PARD3B: variants seen among roughly 807,000 people sequenced by gnomAD.
The protein encoded by PARD3B is par-3 family cell polarity regulator beta.
A neutral mutation model predicts 130.2 loss-of-function variants in PARD3B; 103 were observed. That is an observed-to-expected ratio of 0.79 (90% CI 0.67 to 0.93). The LOEUF (loss-of-function observed/expected upper bound fraction) is 0.93, where lower values mean the gene tolerates loss of function less well. Among genes scored for constraint, PARD3B ranks in the 40% least tolerant of loss-of-function variants. PARD3B has a pLI of 0.00. For missense variants in PARD3B, 1,609 were observed against 1,499.2 expected, an observed-to-expected ratio of 1.07 and a Z score of -1.21; for synonymous variants, 583 against 553.2, an observed-to-expected ratio of 1.05 and a Z score of -0.76.
At chr2:205,124,279 T>C in intron 8 of PARD3B, 48 bp from the exon 9 acceptor site, 1 of 1,391,258 alleles carries the variant, frequency 7.2e-7, no homozygotes, top group Non-Finnish European at 9.6e-7. Flanking sequence ...GAATATAATA[T>C]TACTCATGCT....
intron 1 of PARD3B, among the ~76,000 whole-genome samples, chr2:204,676,244 G>C (rs1043452224): frequency 6.6e-6 from 1 of 151,612 alleles, no homozygotes; most frequent in South Asian, 2.1e-4. Context: ...CCTACCAAGA[G>C]TATTTCTTTT....
chr2:205,380,896 A>ATATATAATATATAAAGAATATAT (rs2045372894), intron 18 of PARD3B, among the ~76,000 whole-genome samples: 9 of 14,040 alleles, frequency 6.4e-4, no homozygotes, highest in African/African-American at 1.1e-3. Flanking sequence ...TATATAAAGA[A>ATATATAATATATAAAGAATATAT]TATATATAAT....
intron 4 of PARD3B, among the ~76,000 whole-genome samples, chr2:205,095,369 T>A (rs1347755208): frequency 6.6e-6 from 1 of 152,134 alleles, no homozygotes; most frequent in African/African-American, 2.4e-5. Flanking sequence ...AAATGTGTTA[T>A]TTGAATATGA....
intron 1 of PARD3B, among the ~76,000 whole-genome samples, chr2:204,626,183 G>A (rs2034481050): frequency 6.6e-6 from 1 of 152,070 alleles, no homozygotes; most frequent in Non-Finnish European, 1.5e-5. Flanking sequence ...ACATGTCTGG[G>A]TGGCAGATTT....
rs565310416 is a variant in PARD3B at position 204,909,584 on chromosome 2, A to G, written c.223-55568A>G. Reference sequence around the variant, plus strand: ...CCTACTTCTTAGCTCTGTGAACCTAAAAGTGTTCTACTTGTCTTGAATTTG... The same window carrying G: ...CCTACTTCTTAGCTCTGTGAACCTAGAAGTGTTCTACTTGTCTTGAATTTG... On this transcript the variant is annotated intron_variant, in intron 2 of 22. Coordinates refer to ENST00000406610, the MANE Select transcript of PARD3B (RefSeq NM_001302769.2). Among the ~76,000 whole-genome samples, 26 of 152,282 alleles carry G rather than the reference A, an allele frequency of 1.7e-4. No homozygotes were observed. The South Asian group carries it at 4.1e-3, about 24-fold the overall frequency.
intron 2 of PARD3B, among the ~76,000 whole-genome samples, chr2:204,852,806 G>T (rs1050595150): frequency 6.6e-6 from 1 of 152,116 alleles, no homozygotes; most frequent in African/African-American, 2.4e-5. Flanking sequence ...ATTTAATTGA[G>T]ATGGAATAGG....
At chr2:205,539,418 G>A (rs1559194104) in intron 21 of PARD3B, among the ~76,000 whole-genome samples, 1 of 152,166 alleles carries the variant, frequency 6.6e-6, no homozygotes, top group Non-Finnish European at 1.5e-5. Flanking sequence ...AAACAGGACA[G>A]GTAGTTTGAA....
At chr2:205,233,138 G>A (rs1051207064) in intron 15 of PARD3B, among the ~76,000 whole-genome samples, 5 of 151,998 alleles carry the variant, frequency 3.3e-5, no homozygotes, top group African/African-American at 4.8e-5. Context: ...AAAACAGGAC[G>A]ACACATTTCA....
At chr2:205,174,232 C>A (rs976963390) in intron 12 of PARD3B, among the ~76,000 whole-genome samples, 1 of 152,178 alleles carries the variant, frequency 6.6e-6, no homozygotes, top group Non-Finnish European at 1.5e-5. Context: ...ATGAAACTCT[C>A]ATTTGTTGCC....
At chr2:205,508,794 A>G (rs2050476556) in intron 21 of PARD3B, among the ~76,000 whole-genome samples, 3 of 152,200 alleles carry the variant, frequency 2.0e-5, no homozygotes, top group African/African-American at 7.2e-5. Context: ...AGAAAAAACC[A>G]TGTCTATACA....
At position 205,596,449 on chromosome 2, in the gene PARD3B, G is replaced by A. The variant is rs549032264; in HGVS notation, c.3261-19007G>A. On this transcript the variant is annotated intron_variant, in intron 22 of 22. Coordinates refer to ENST00000406610, the MANE Select transcript of PARD3B (RefSeq NM_001302769.2). ...GCTGGATTCTGGATGGGAGGGCTGT[G>A]GGGGGCCAACAGCAGATACTTGTGT... is the stretch of plus-strand genomic sequence containing the variant. Among the ~76,000 whole-genome samples, 470 of 152,270 alleles carry A rather than the reference G, an allele frequency of 3.1e-3. 4 individuals carry two copies. Among genetic ancestry groups the A allele is most frequent in the Non-Finnish European group, 5.5e-3 (374 of 68,018 alleles).
intron 2 of PARD3B, among the ~76,000 whole-genome samples, chr2:204,861,924 CAAAAA>C (rs60473341): frequency 3.2e-4 from 11 of 34,078 alleles, no homozygotes; most frequent in African/African-American, 5.3e-4. Context: ...AGACATTTCT[CAAAAA>C]AAAAAAAAAA....
chr2:204,856,339 T>C (rs2125617645), intron 2 of PARD3B, among the ~76,000 whole-genome samples: 1 of 152,338 alleles, frequency 6.6e-6, no homozygotes, highest in South Asian at 2.1e-4. Context: ...GTCATTTGTA[T>C]TTCTTCTTCT....
chr2:205,111,712 G>C (rs900917737), intron 5 of PARD3B, among the ~76,000 whole-genome samples: 2 of 152,040 alleles, frequency 1.3e-5, no homozygotes, highest in African/African-American at 4.8e-5. Context: ...TCAGCATGTG[G>C]ATACTTGATA....
chr2:205,388,392 G>A (rs2105969312), intron 18 of PARD3B, among the ~76,000 whole-genome samples: 1 of 152,326 alleles, frequency 6.6e-6, no homozygotes, highest in South Asian at 2.1e-4. Flanking sequence ...TCACAGTCTA[G>A]TAGACAAGCA....
intron 18 of PARD3B, among the ~76,000 whole-genome samples, chr2:205,396,591 C>G (rs1169907476): frequency 6.6e-6 from 1 of 152,096 alleles, no homozygotes; most frequent in Non-Finnish European, 1.5e-5. Flanking sequence ...CAAAAAAGAT[C>G]CATCATAAGA....
intron 4 of PARD3B, among the ~76,000 whole-genome samples, chr2:205,055,085 A>G (rs886994194): frequency 2.0e-5 from 3 of 152,192 alleles, no homozygotes; most frequent in Non-Finnish European, 2.9e-5. Flanking sequence ...TCAAGCCCCC[A>G]GGCACAGTGC....
At chr2:204,917,205 A>G (rs532295853) in intron 2 of PARD3B, among the ~76,000 whole-genome samples, 1 of 152,178 alleles carries the variant, frequency 6.6e-6, no homozygotes, top group Non-Finnish European at 1.5e-5. Flanking sequence ...TGGGTGGATC[A>G]GATAGGGCCT....
chr2:205,248,384 TG>T (rs1366866576), intron 16 of PARD3B, among the ~76,000 whole-genome samples: 1 of 130,604 alleles, frequency 7.7e-6, no homozygotes, highest in African/African-American at 3.0e-5. Context: ...TGGGATTTGG[TG>T]GTGGTGGTGG....
Sources: allele counts gnomAD v4.1 joint callset (sites outside exome capture counted in the v4.1 genomes callset), GRCh38; gene constraint gnomAD v4.1.1; transcripts MANE v1.5; gene names NCBI Gene and HGNC (gene_info 2026-07-23, HGNC 2026-07-21).